CNTNAP5: variants seen among roughly 807,000 people sequenced by gnomAD.
CNTNAP5 encodes contactin associated protein family member 5, also known as contactin-associated protein-like 5.
Under a neutral mutation model 150.2 loss-of-function variants are expected in CNTNAP5, and 72 were observed. The observed-to-expected ratio is 0.48, with a 90% CI of 0.40 to 0.58. The LOEUF (loss-of-function observed/expected upper bound fraction) is 0.58, where lower values mean the gene tolerates loss of function less well. Ranked by LOEUF, CNTNAP5 falls within the 20% of genes least tolerant of loss-of-function variation. CNTNAP5 has a pLI of 0.00. For synonymous variants in CNTNAP5, 672 were observed against 619.8 expected (o/e 1.08, Z -1.25); for missense variants, 1,636 against 1,626.2 (o/e 1.01, Z -0.10).
intron 10 of CNTNAP5, among the ~76,000 whole-genome samples, chr2:124,551,639 C>T (rs1695630505): frequency 6.6e-6 from 1 of 152,168 alleles, no homozygotes; most frequent in Non-Finnish European, 1.5e-5. Context: ...GAAATTGAAA[C>T]TGACCTTCAA....
chr2:124,325,540 T>C (rs1455861261), intron 3 of CNTNAP5, among the ~76,000 whole-genome samples: 1 of 152,214 alleles, frequency 6.6e-6, no homozygotes, highest in Non-Finnish European at 1.5e-5. Flanking sequence ...TGTTTTTTTA[T>C]TTCATTTTTG....
At chr2:124,857,378 G>T (rs1300505119) in intron 19 of CNTNAP5, among the ~76,000 whole-genome samples, 1 of 152,098 alleles carries the variant, frequency 6.6e-6, no homozygotes, top group Non-Finnish European at 1.5e-5. Context: ...GTTGGTGGGA[G>T]CCCAAACCTG....
chr2:124,392,040 G>A (rs1313621593), intron 3 of CNTNAP5, among the ~76,000 whole-genome samples: 1 of 152,178 alleles, frequency 6.6e-6, no homozygotes, highest in African/African-American at 2.4e-5. Flanking sequence ...GTGATCAAAA[G>A]TCAGGGAGGT....
intron 8 of CNTNAP5, among the ~76,000 whole-genome samples, chr2:124,518,122 C>T (rs1484151080): frequency 6.6e-6 from 1 of 152,056 alleles, no homozygotes; most frequent in Non-Finnish European, 1.5e-5. Flanking sequence ...TGTTGAGGAA[C>T]CCCACTTTAA....
Position 124,869,704 on chromosome 2 carries a change from C to T in CNTNAP5, c.3378C>T (p.Asn1126=). 27 of 1,612,314 alleles carry T rather than the reference C, an allele frequency of 1.7e-5. No homozygotes were observed. Among genetic ancestry groups the T allele is most frequent in the Non-Finnish European group, 2.3e-5 (27 of 1,178,860 alleles). ...ACCAGCAACTTCGACTCAGTTATAA[C>T]TTCTCTCCGGAAGTAGAGTTCAGGG... ...QMDQQLRLSY[N]FSPEVEFRVI... Residue 1126 remains asparagine, a synonymous_variant, in exon 21 of 24, where the codon AAC becomes AAT. Coordinates refer to ENST00000682447, the MANE Select transcript of CNTNAP5 (RefSeq NM_001367498.1).
At position 124,732,209 on chromosome 2, in the gene CNTNAP5, G is replaced by T. The variant is rs368057122; in HGVS notation, c.2078-15020G>T. Among the ~76,000 whole-genome samples, 42 of 152,082 alleles carry T rather than the reference G, an allele frequency of 2.8e-4. No homozygotes were observed. The East Asian group carries it at 7.7e-3, about 28-fold the overall frequency. ...ATGTTGATAGAGACTAGATAATTTT[G>T]AAGAGAAAATACATAATTGAGTCTC... On this transcript the variant is annotated intron_variant, in intron 13 of 23. Coordinates refer to ENST00000682447, the MANE Select transcript of CNTNAP5 (RefSeq NM_001367498.1).
intron 13 of CNTNAP5, among the ~76,000 whole-genome samples, chr2:124,745,882 G>T (rs1256190086): frequency 2.0e-5 from 3 of 152,156 alleles, no homozygotes; most frequent in Non-Finnish European, 4.4e-5. Flanking sequence ...TAGGTTGCCT[G>T]GTCTCTTCCT....
At chr2:124,222,733 T>G (rs929656831) in intron 2 of CNTNAP5, among the ~76,000 whole-genome samples, 3 of 151,878 alleles carry the variant, frequency 2.0e-5, no homozygotes, top group East Asian at 3.9e-4. Flanking sequence ...GTTGTGTTTT[T>G]TTTTTTTTTA....
At chr2:124,212,829 CTTTTTTTTTTTTTTTT>C (rs66534077) in intron 1 of CNTNAP5, among the ~76,000 whole-genome samples, 1 of 62,872 alleles carries the variant, frequency 1.6e-5, no homozygotes. Context: ...GTAGATAAAT[CTTTTTTTTTTTTTTTT>C]TTTTTTTTTT....
At chr2:124,895,103 G>A (rs551703815) in intron 21 of CNTNAP5, among the ~76,000 whole-genome samples, 1 of 151,584 alleles carries the variant, frequency 6.6e-6, no homozygotes, top group East Asian at 1.9e-4. Context: ...TTCTCAAATG[G>A]TAGAAGGTTT....
chr2:124,401,723 CA>C (rs1691430556), intron 3 of CNTNAP5, among the ~76,000 whole-genome samples: 1 of 152,112 alleles, frequency 6.6e-6, no homozygotes, highest in Non-Finnish European at 1.5e-5. Flanking sequence ...AATTCACAGG[CA>C]AGGACATTTG....
At chr2:124,751,312 G>A (rs1369029071) in intron 14 of CNTNAP5, among the ~76,000 whole-genome samples, 1 of 152,152 alleles carries the variant, frequency 6.6e-6, no homozygotes, top group Non-Finnish European at 1.5e-5. Context: ...TGGTGTGGTT[G>A]TTGCACAGTC....
chr2:124,105,749 T>C (rs982117173), intron 1 of CNTNAP5, among the ~76,000 whole-genome samples: 3 of 152,178 alleles, frequency 2.0e-5, no homozygotes, highest in Non-Finnish European at 4.4e-5. Flanking sequence ...TTCCAGGTAG[T>C]AGAATAAATG....
At chr2:124,547,487 G>A (rs904396211) in intron 10 of CNTNAP5, among the ~76,000 whole-genome samples, 10 of 152,214 alleles carry the variant, frequency 6.6e-5, no homozygotes, top group African/African-American at 2.4e-4. Flanking sequence ...GCGAGAGCCA[G>A]TAAAGGCAGG....
At chr2:124,052,708 C>T (rs949888356) in intron 1 of CNTNAP5, among the ~76,000 whole-genome samples, 8 of 152,246 alleles carry the variant, frequency 5.3e-5, no homozygotes, top group East Asian at 1.9e-4. Context: ...GATACCTGTG[C>T]GCGTCTCTCC....
intron 11 of CNTNAP5, among the ~76,000 whole-genome samples, chr2:124,572,465 A>C (rs2104940877): frequency 1.3e-5 from 2 of 152,254 alleles, no homozygotes; most frequent in Non-Finnish European, 2.9e-5. Context: ...ACCGAAAATA[A>C]AATTTAAAAA....
chr2:124,537,836 A>T (rs1233532983), intron 10 of CNTNAP5, among the ~76,000 whole-genome samples: 1 of 152,172 alleles, frequency 6.6e-6, no homozygotes, highest in East Asian at 1.9e-4. Flanking sequence ...GTGGATCATT[A>T]TCTTGATGAA....
intron 19 of CNTNAP5, among the ~76,000 whole-genome samples, chr2:124,862,250 T>C (rs987032723): frequency 2.0e-5 from 3 of 152,226 alleles, no homozygotes; most frequent in African/African-American, 7.2e-5. Flanking sequence ...GTAGCAATGT[T>C]AATATATAAA....
chr2:124,754,198 A>G (rs187642264), intron 14 of CNTNAP5, among the ~76,000 whole-genome samples: 273 of 152,290 alleles, frequency 1.8e-3, no homozygotes, highest in African/African-American at 6.3e-3. Context: ...AGGGGCCCCA[A>G]TCCTGAATTC....
Sources: allele counts gnomAD v4.1 joint callset (sites outside exome capture counted in the v4.1 genomes callset), GRCh38; gene constraint gnomAD v4.1.1; transcripts MANE v1.5; gene names NCBI Gene and HGNC (gene_info 2026-07-23, HGNC 2026-07-21).